CAMKMT: variants seen among roughly 807,000 people sequenced by gnomAD.
The protein encoded by CAMKMT is calmodulin-lysine N-methyltransferase.
In CAMKMT, 53 loss-of-function variants were observed where a neutral mutation model predicts 48.0. The ratio of observed to expected loss-of-function variants is 1.10; its 90% CI spans 0.89 to 1.39. The LOEUF (loss-of-function observed/expected upper bound fraction) is 1.39. CAMKMT is among the 40% of genes most tolerant of loss of function. CAMKMT has a pLI of 0.00. For synonymous variants in CAMKMT, 165 were observed against 152.3 expected (o/e 1.08, Z -0.61); for missense variants, 428 against 402.7 (o/e 1.06, Z -0.54).
At chr2:44,753,936 C>T in intron 8 of CAMKMT, 119 bp from the exon 9 acceptor site, 1 of 720,016 alleles carries the variant, frequency 1.4e-6, no homozygotes, top group South Asian at 1.7e-5. Context: ...TGGTAGGAAA[C>T]AATTTCTCTT....
chr2:44,528,703 G>GT (rs1558680382), intron 3 of CAMKMT, among the ~76,000 whole-genome samples: 1 of 152,108 alleles, frequency 6.6e-6, no homozygotes, highest in East Asian at 1.9e-4. Flanking sequence ...TCCCTCCCTT[G>GT]TTTGCTTCTT....
rs1468398782 is a variant in CAMKMT at position 44,754,091 on chromosome 2, T to C, written c.735T>C (p.Asp245=). ...FLDQYRASLV[D]AIKRLLQPRG... ...ACCAGTACAGAGCCAGCCTTGTTGA[T>C]GCAATAAAGAGATTACTCCAGCCCA... Residue 245 remains aspartate, a synonymous_variant, in exon 9 of 11, where the codon GAT becomes GAC. Coordinates refer to ENST00000378494, the MANE Select transcript of CAMKMT (RefSeq NM_024766.5). 6.2e-7 allele frequency: 1 copy of C among 1,613,916 alleles called. No individual in the cohort carries two copies. Among genetic ancestry groups the C allele is most frequent in the African/African-American group, 1.3e-5 (1 of 74,926 alleles).
At chr2:44,397,807 G>A (rs979474272) in intron 3 of CAMKMT, among the ~76,000 whole-genome samples, 5 of 152,186 alleles carry the variant, frequency 3.3e-5, no homozygotes, top group Non-Finnish European at 7.3e-5. Flanking sequence ...TTCTTTGACA[G>A]TAGAACTTGG....
chr2:44,656,083 A>G (rs985642585), intron 3 of CAMKMT, among the ~76,000 whole-genome samples: 5 of 152,228 alleles, frequency 3.3e-5, no homozygotes, highest in Non-Finnish European at 7.4e-5. Flanking sequence ...AAAAGAGATT[A>G]TAGCACTATG....
chr2:44,423,907 G>T (rs1038667362), intron 3 of CAMKMT, among the ~76,000 whole-genome samples: 1 of 151,956 alleles, frequency 6.6e-6, no homozygotes, highest in Non-Finnish European at 1.5e-5. Context: ...GTTTATCATG[G>T]TATTTCTTGA....
chr2:44,482,781 A>G (rs1172454994), intron 3 of CAMKMT, among the ~76,000 whole-genome samples: 3 of 152,056 alleles, frequency 2.0e-5, no homozygotes, highest in Admixed American at 6.5e-5. Flanking sequence ...AGAGGGGAGA[A>G]TGATGATTAG....
At chr2:44,562,201 C>T (rs1668359267) in intron 3 of CAMKMT, among the ~76,000 whole-genome samples, 1 of 152,178 alleles carries the variant, frequency 6.6e-6, no homozygotes, top group Non-Finnish European at 1.5e-5. Flanking sequence ...GAGCCATGTC[C>T]CCCTTCCCAT....
At chr2:44,591,241 T>C (rs1670245745) in intron 3 of CAMKMT, among the ~76,000 whole-genome samples, 1 of 151,924 alleles carries the variant, frequency 6.6e-6, no homozygotes, top group Non-Finnish European at 1.5e-5. Context: ...ATGTGGGCTC[T>C]TTTTTGGTTC....
intron 3 of CAMKMT, among the ~76,000 whole-genome samples, chr2:44,489,086 C>G (rs184895356): frequency 2.0e-5 from 3 of 152,050 alleles, no homozygotes; most frequent in African/African-American, 7.2e-5. Flanking sequence ...AGGCTGGTTT[C>G]AAACTTCTGG....
At chr2:44,376,665 C>T (rs1679729210) in intron 2 of CAMKMT, among the ~76,000 whole-genome samples, 1 of 152,110 alleles carries the variant, frequency 6.6e-6, no homozygotes, top group African/African-American at 2.4e-5. Flanking sequence ...TGAATACCCC[C>T]AAGAGGGTTA....
At chr2:44,753,423 G>C (rs1283351632) in intron 8 of CAMKMT, among the ~76,000 whole-genome samples, 1 of 149,956 alleles carries the variant, frequency 6.7e-6, no homozygotes, top group African/African-American at 2.4e-5. Context: ...AAAAAAGAAA[G>C]AAAGAAAACA....
At chr2:44,599,343 T>A (rs546401561) in intron 3 of CAMKMT, among the ~76,000 whole-genome samples, 3 of 152,274 alleles carry the variant, frequency 2.0e-5, no homozygotes, top group African/African-American at 7.2e-5. Flanking sequence ...GTAACACTAT[T>A]GTACAATATT....
intron 3 of CAMKMT, among the ~76,000 whole-genome samples, chr2:44,634,890 CATTA>C (rs1673035973): frequency 6.7e-6 from 1 of 149,398 alleles, no homozygotes; most frequent in African/African-American, 2.5e-5. Flanking sequence ...AAGCTAGTTT[CATTA>C]ATTAATCATT....
intron 8 of CAMKMT, among the ~76,000 whole-genome samples, chr2:44,747,204 T>C (rs1228617306): frequency 2.0e-5 from 3 of 152,246 alleles, no homozygotes; most frequent in Non-Finnish European, 4.4e-5. Flanking sequence ...ACTTGCTATA[T>C]ACTCTAAATT....
Position 44,644,110 on chromosome 2 carries a change from T to C in CAMKMT, c.377-60173T>C, listed in dbSNP as rs111700144. ...TGATCATCTATGTGCCATTATCTAA[T>C]TGCTCACAGAAATCAAATTGTACAA... is the stretch of plus-strand genomic sequence containing the variant. On this transcript the variant is annotated intron_variant, in intron 3 of 10. Coordinates refer to ENST00000378494, the MANE Select transcript of CAMKMT (RefSeq NM_024766.5). Among the ~76,000 whole-genome samples, 309 of 152,340 alleles carry C rather than the reference T, an allele frequency of 2.0e-3. 1 individual carries two copies. In the Middle Eastern group the frequency reaches 0.024, roughly 12 times the overall value.
chr2:44,454,618 A>C (rs1572909062), intron 3 of CAMKMT, among the ~76,000 whole-genome samples: 1 of 152,222 alleles, frequency 6.6e-6, no homozygotes. Context: ...TAATAAAACA[A>C]ATCATTTTTA....
intron 3 of CAMKMT, among the ~76,000 whole-genome samples, chr2:44,662,995 A>T (rs1674759826): frequency 6.6e-6 from 1 of 152,230 alleles, no homozygotes. Context: ...ATAAATAATT[A>T]CATATAAGTT....
At chr2:44,479,331 T>A (rs1336448795) in intron 3 of CAMKMT, among the ~76,000 whole-genome samples, 1 of 152,144 alleles carries the variant, frequency 6.6e-6, no homozygotes. Flanking sequence ...CTAAGTGACA[T>A]TAGATTAGCA....
At chr2:44,583,754 C>T (rs1419636952) in intron 3 of CAMKMT, among the ~76,000 whole-genome samples, 1 of 151,988 alleles carries the variant, frequency 6.6e-6, no homozygotes, top group Non-Finnish European at 1.5e-5. Context: ...TATGTTTGAG[C>T]CACAGCACCG....
Sources: gnomAD v4.1 joint callset for allele counts (sites outside exome capture counted in the v4.1 genomes callset) on GRCh38, gnomAD v4.1.1 for gene constraint, MANE v1.5 for transcripts, NCBI Gene and HGNC (gene_info 2026-07-23, HGNC 2026-07-21) for gene names.